The following DCUN1D1 variants were observed in gnomAD, a reference collection of about 807,000 sequenced individuals.
DCUN1D1 encodes defective in cullin neddylation 1 domain containing 1.
Under a neutral mutation model 39.0 loss-of-function variants are expected in DCUN1D1, and 3 were observed. The ratio of observed to expected loss-of-function variants is 0.08; its 90% CI spans 0.04 to 0.20. DCUN1D1 has a LOEUF of 0.20. Ranked by LOEUF, DCUN1D1 falls within the 10% of genes least tolerant of loss-of-function variation. DCUN1D1 has a pLI of 1.00. For missense variants in DCUN1D1, 158 were observed against 302.4 expected, an observed-to-expected ratio of 0.52 and a Z score of 3.54; for synonymous variants, 82 against 96.3, an observed-to-expected ratio of 0.85 and a Z score of 0.87.
At chr3:182,959,421 TCCC>T (rs895754045) in intron 4 of DCUN1D1, among the ~76,000 whole-genome samples, 3 of 133,438 alleles carry the variant, frequency 2.2e-5, no homozygotes, top group African/African-American at 8.4e-5. Context: ...CAATACTTTT[TCCC>T]CCCAATTTAA....
At chr3:182,947,885 A>C (rs1726498533) in intron 4 of DCUN1D1, among the ~76,000 whole-genome samples, 1 of 152,224 alleles carries the variant, frequency 6.6e-6, no homozygotes, top group African/African-American at 2.4e-5. Context: ...TGTGTTTTAA[A>C]TTAGAGAATG....
In DCUN1D1 at chr3:182,944,767, C is replaced by T. The variant is rs1403152534; in HGVS notation, c.*327G>A. On this transcript the variant is annotated 3_prime_UTR_variant, in exon 7 of 7. Coordinates refer to ENST00000292782, the MANE Select transcript of DCUN1D1 (RefSeq NM_020640.4). ...GATGAAGACAGCATTGTGCTTTATGCGAGAATGAAAACCTCAAAATAATCA... is the reference window on the plus strand; with the variant it reads ...GATGAAGACAGCATTGTGCTTTATGTGAGAATGAAAACCTCAAAATAATCA... 6 of 205,370 alleles carry T rather than the reference C, an allele frequency of 2.9e-5. No homozygotes were observed. Among genetic ancestry groups the T allele is most frequent in the Middle Eastern group, 1.7e-3 (1 of 596 alleles). The allele number at this position is 205,370 out of a possible 1,614,324, so 12.7% of individuals were successfully genotyped here. A position where few individuals can be genotyped will look rare whatever the true frequency, so the allele number is the denominator to read the frequency against.
intron 4 of DCUN1D1, among the ~76,000 whole-genome samples, chr3:182,950,421 C>T (rs558330437): frequency 6.6e-6 from 1 of 152,208 alleles, no homozygotes; most frequent in African/African-American, 2.4e-5. Flanking sequence ...GCTGGGATTA[C>T]AGGCATGAGC....
upstream of DCUN1D1, chr3:182,980,576 G>A: frequency 1.7e-6 from 2 of 1,163,516 alleles, no homozygotes; most frequent in South Asian, 2.6e-5. Context: ...TCACGGGCTT[G>A]CCCGGCTCCC....
chr3:182,966,114 C>T (rs944741929), intron 1 of DCUN1D1, among the ~76,000 whole-genome samples: 1 of 151,940 alleles, frequency 6.6e-6, no homozygotes, highest in Non-Finnish European at 1.5e-5. Flanking sequence ...CAAGCAGACA[C>T]GGGGAAGAAG....
At chr3:182,961,449 G>T in intron 3 of DCUN1D1, 93 bp from the exon 4 acceptor site, 1 of 1,156,214 alleles carries the variant, frequency 8.6e-7, no homozygotes, top group Non-Finnish European at 1.2e-6. Flanking sequence ...TTATTTCCTA[G>T]AACTACTTTT....
rs541146520 is a variant in DCUN1D1 at position 182,939,528 on chromosome 3, G to C, written c.*5566C>G. On this transcript the variant is annotated 3_prime_UTR_variant, in exon 7 of 7. Transcript: ENST00000292782. Reference sequence around the variant, plus strand: ...AGTGAACACTAAGTCAGCAACTAAAGGAACTACACGCAGGTATAAGCTGCA... The same window carrying C: ...AGTGAACACTAAGTCAGCAACTAAACGAACTACACGCAGGTATAAGCTGCA... 28 of 152,086 alleles carry C rather than the reference G, an allele frequency of 1.8e-4. No homozygotes were observed. Among genetic ancestry groups the C allele is most frequent in the African/African-American group, 6.7e-4 (28 of 41,484 alleles). 9.4% of individuals were successfully genotyped at this position (152,086 alleles called of 1,614,324 possible).
At chr3:182,974,445 C>G (rs1170490479) in intron 1 of DCUN1D1, among the ~76,000 whole-genome samples, 1 of 147,802 alleles carries the variant, frequency 6.8e-6, no homozygotes, top group African/African-American at 2.5e-5. Flanking sequence ...CTAAAGTAAT[C>G]TTAAATTAAC....
intron 4 of DCUN1D1, among the ~76,000 whole-genome samples, chr3:182,954,940 T>C (rs1052013865): frequency 3.9e-5 from 6 of 152,310 alleles, no homozygotes; most frequent in East Asian, 3.9e-4. Context: ...TGTCTAAAAT[T>C]TGTCTACTTT....
intron 4 of DCUN1D1, among the ~76,000 whole-genome samples, chr3:182,949,124 G>A (rs528158964): frequency 4.0e-5 from 6 of 151,236 alleles, no homozygotes; most frequent in African/African-American, 7.3e-5. Flanking sequence ...ACTTTGGGAG[G>A]CCGAGGCAGG....
rs186087791 is a variant in DCUN1D1, at chr3:182,941,115, A to G, written c.*3979T>C. 1.7e-4 allele frequency: 26 copies of G among 151,554 alleles called. No individual in the cohort carries two copies. The highest frequency in any genetic ancestry group is 3.0e-4 in the Non-Finnish European group (20 of 67,780). 9.4% of individuals were successfully genotyped at this position (151,554 alleles called of 1,614,324 possible). A position where few individuals can be genotyped will look rare whatever the true frequency, so the allele number is the denominator to read the frequency against. ...ACTTACTCAACAGGTAGGAAAGAAA[A>G]TAAGATAGCAAGAATGCTCTGATAA... is the stretch of plus-strand genomic sequence containing the variant. On this transcript the variant is annotated 3_prime_UTR_variant, in exon 7 of 7. Coordinates refer to ENST00000292782, the MANE Select transcript of DCUN1D1 (RefSeq NM_020640.4).
At position 182,942,833 on chromosome 3, in the gene DCUN1D1, ACAC is replaced by A. The variant is rs1335151496; in HGVS notation, c.*2258_*2260del. 4.6e-5 allele frequency: 7 copies of A among 151,528 alleles called. No individual in the cohort carries two copies. Among genetic ancestry groups the A allele is most frequent in the South Asian group, 4.2e-4 (2 of 4,786 alleles). 9.4% of individuals were successfully genotyped at this position (151,528 alleles called of 1,614,324 possible). ...CCAGACATTTATCTTCAGAATAATC[ACAC>A]CACATTAAATCAGTCTTCTCTTTTC... On this transcript the variant is annotated 3_prime_UTR_variant, in exon 7 of 7. Transcript: ENST00000292782.
chr3:182,974,772 A>AC (rs1728128427), intron 1 of DCUN1D1, among the ~76,000 whole-genome samples: 2 of 151,826 alleles, frequency 1.3e-5, no homozygotes, highest in Non-Finnish European at 2.9e-5. Flanking sequence ...TTAAAAAAAA[A>AC]AAAACTAAAT....
chr3:182,957,933 G>A (rs1350842831), intron 4 of DCUN1D1, among the ~76,000 whole-genome samples: 2 of 52,800 alleles, frequency 3.8e-5, no homozygotes, highest in African/African-American at 5.6e-5. Flanking sequence ...GCAAGACCCT[G>A]CATCAAAAAA....
rs1157272600 is a variant in DCUN1D1 at position 182,942,219 on chromosome 3, T to C, written c.*2875A>G. 2 of 152,154 alleles carry C rather than the reference T, an allele frequency of 1.3e-5. No individual in the cohort carries two copies. Among genetic ancestry groups the C allele is most frequent in the Non-Finnish European group, 2.9e-5 (2 of 68,006 alleles). The allele number at this position is 152,154 out of a possible 1,614,324, so 9.4% of individuals were successfully genotyped here. On this transcript the variant is annotated 3_prime_UTR_variant, in exon 7 of 7. Coordinates refer to ENST00000292782, the MANE Select transcript of DCUN1D1 (RefSeq NM_020640.4). The stretch of plus-strand genomic sequence containing the variant: ...CCAGTATAGTTGTAAACATCTTAAA[T>C]GTAGTAAACAAGACTTGGCATGTCT...
rs1726299446 is a variant in DCUN1D1 at position 182,944,555 on chromosome 3, C to T, written c.*539G>A. The T allele has an allele frequency of 6.6e-6, 1 of 151,764 alleles. No individual in the cohort carries two copies. The highest frequency in any genetic ancestry group is 6.6e-5 in the Admixed American group (1 of 15,222). The allele number at this position is 151,764 out of a possible 1,614,324, so 9.4% of individuals were successfully genotyped here. A position where few individuals can be genotyped will look rare whatever the true frequency, so the allele number is the denominator to read the frequency against. ...TCACATCAACAACACATGTGATTTG[C>T]CAGGAAAAAAAAAAAATTCCCCCCA... On this transcript the variant is annotated 3_prime_UTR_variant, in exon 7 of 7. Transcript: ENST00000292782.
upstream of DCUN1D1, among the ~76,000 whole-genome samples, chr3:182,983,764 C>T (rs1728639137): frequency 6.6e-6 from 1 of 152,068 alleles, no homozygotes; most frequent in East Asian, 1.9e-4. Flanking sequence ...GGATTTGAAA[C>T]CTGATAGTCT....
In DCUN1D1 at chr3:182,948,621, C is replaced by G. The variant is rs142814471; in HGVS notation, c.521-989G>C. ...TATGAGTGAATTTACTTCTCCAGCA[C>G]AAGAAAAATTACATCCTAAGTAACT... is the stretch of plus-strand genomic sequence containing the variant. On this transcript the variant is annotated intron_variant, in intron 4 of 6. Coordinates refer to ENST00000292782, the MANE Select transcript of DCUN1D1 (RefSeq NM_020640.4). Among the ~76,000 whole-genome samples the G allele has an allele frequency of 7.2e-3, 1,103 of 152,250 alleles. 11 individuals carry two copies. Among genetic ancestry groups the G allele is most frequent in the African/African-American group, 0.025 (1,028 of 41,532 alleles).
intron 1 of DCUN1D1, among the ~76,000 whole-genome samples, chr3:182,975,622 G>A (rs1728191003): frequency 1.3e-5 from 2 of 149,144 alleles, no homozygotes; most frequent in African/African-American, 4.9e-5. Flanking sequence ...TGACAAGGAA[G>A]AAACCAGAGT....
Sources: gnomAD v4.1 joint callset for allele counts (sites outside exome capture counted in the v4.1 genomes callset) on GRCh38, gnomAD v4.1.1 for gene constraint, MANE v1.5 for transcripts, NCBI Gene and HGNC (gene_info 2026-07-23, HGNC 2026-07-21) for gene names.